The following CLSTN2 variants were observed in gnomAD, a reference collection of about 807,000 sequenced individuals.
CLSTN2 encodes calsyntenin 2.
In CLSTN2, 48 loss-of-function variants were observed where a neutral mutation model predicts 101.2. The ratio of observed to expected loss-of-function variants is 0.47; its 90% confidence interval spans 0.38 to 0.60. CLSTN2 has a LOEUF of 0.60. Ranked by LOEUF, CLSTN2 falls within the 20% of genes least tolerant of loss-of-function variation. CLSTN2 has a pLI of 0.00. For synonymous variants in CLSTN2, 481 were observed against 463.6 expected, an observed-to-expected ratio of 1.04 and a Z score of -0.48; for missense variants, 1,160 against 1,238.2, an observed-to-expected ratio of 0.94 and a Z score of 0.95.
intron 2 of CLSTN2, among the ~76,000 whole-genome samples, chr3:140,372,694 T>TGTGAAGCACTAGTCCCATGTAA (rs1234281365): frequency 1.3e-5 from 2 of 152,294 alleles, no homozygotes; most frequent in East Asian, 3.9e-4. Flanking sequence ...AAGCATACCC[T>TGTGAAGCACTAGTCCCATGTAA]GTGAAGCACT....
intron 9 of CLSTN2, among the ~76,000 whole-genome samples, chr3:140,544,070 A>C (rs1935538673): frequency 6.6e-6 from 1 of 152,212 alleles, no homozygotes. Context: ...CACAGGGCCC[A>C]CCACTCTGCT....
At chr3:140,401,462 G>A (rs755041907) in intron 2 of CLSTN2, among the ~76,000 whole-genome samples, 9 of 152,184 alleles carry the variant, frequency 5.9e-5, no homozygotes, top group Non-Finnish European at 1.2e-4. Flanking sequence ...ATGGAAATAT[G>A]TCACCTAAAC....
chr3:140,436,734 CT>C (rs1201317992), intron 5 of CLSTN2, among the ~76,000 whole-genome samples: 14 of 152,204 alleles, frequency 9.2e-5, no homozygotes, highest in African/African-American at 2.7e-4. Flanking sequence ...TGTCTGGGGC[CT>C]CTAAAAACTA....
intron 2 of CLSTN2, among the ~76,000 whole-genome samples, chr3:140,199,091 A>G (rs73226971): frequency 0.04 from 6,018 of 152,250 alleles, 172 homozygotes; most frequent in Non-Finnish European, 0.063. Flanking sequence ...TCCTCAAGAA[A>G]GTGTCAGGGC....
At chr3:140,133,886 C>A (rs777759735) in intron 1 of CLSTN2, among the ~76,000 whole-genome samples, 2 of 152,170 alleles carry the variant, frequency 1.3e-5, no homozygotes, top group East Asian at 1.9e-4. Flanking sequence ...AATTCTACTG[C>A]AGAATCAGGC....
At chr3:140,173,995 T>A (rs755094012) in intron 1 of CLSTN2, among the ~76,000 whole-genome samples, 16 of 152,382 alleles carry the variant, frequency 1.0e-4, no homozygotes, top group South Asian at 1.0e-3. Flanking sequence ...TCGTTACTTA[T>A]GAAAATTTCT....
intron 7 of CLSTN2, among the ~76,000 whole-genome samples, chr3:140,463,110 C>A (rs2063929506): frequency 6.6e-6 from 1 of 152,202 alleles, no homozygotes; most frequent in African/African-American, 2.4e-5. Context: ...TTTACCTCTC[C>A]ATTCCTCCCA....
intron 9 of CLSTN2, among the ~76,000 whole-genome samples, chr3:140,536,713 G>A (rs556742442): frequency 1.3e-5 from 2 of 152,308 alleles, no homozygotes; most frequent in East Asian, 3.9e-4. Context: ...AAATTCTTAA[G>A]ATCTTTAAAA....
intron 8 of CLSTN2, among the ~76,000 whole-genome samples, chr3:140,481,469 T>C (rs1934114023): frequency 6.6e-6 from 1 of 152,234 alleles, no homozygotes; most frequent in Non-Finnish European, 1.5e-5. Context: ...AGTAGTTTTT[T>C]TCCAATTCTG....
intron 1 of CLSTN2, among the ~76,000 whole-genome samples, chr3:140,121,403 G>A (rs1265649439): frequency 1.3e-5 from 2 of 152,166 alleles, no homozygotes; most frequent in Non-Finnish European, 2.9e-5. Flanking sequence ...TTGCTGGCTG[G>A]ATAGGTGAGC....
At chr3:140,311,935 A>C (rs16850133) in intron 2 of CLSTN2, among the ~76,000 whole-genome samples, 4,551 of 152,314 alleles carry the variant, frequency 0.03, 147 homozygotes, top group South Asian at 0.1. Context: ...AGATTGTTCC[A>C]GTTACTTCTC....
intron 1 of CLSTN2, among the ~76,000 whole-genome samples, chr3:140,029,732 C>T (rs182867900): frequency 3.6e-4 from 54 of 152,086 alleles, no homozygotes; most frequent in Middle Eastern, 3.4e-3. Flanking sequence ...AAATTTTTCC[C>T]AATATTTTAA....
At chr3:140,091,659 G>A (rs2107785833) in intron 1 of CLSTN2, among the ~76,000 whole-genome samples, 1 of 152,274 alleles carries the variant, frequency 6.6e-6, no homozygotes, top group South Asian at 2.1e-4. Flanking sequence ...AGAAGGCGTG[G>A]GCCATCCACA....
At chr3:140,374,299 C>CT (rs1387442231) in intron 2 of CLSTN2, among the ~76,000 whole-genome samples, 1 of 152,142 alleles carries the variant, frequency 6.6e-6, no homozygotes, top group Non-Finnish European at 1.5e-5. Flanking sequence ...TCTCCTCCTC[C>CT]TTTTTTTCTT....
chr3:140,058,279 TGGGTGAAATTCTCAA>T, intron 1 of CLSTN2, among the ~76,000 whole-genome samples: 1 of 152,218 alleles, frequency 6.6e-6, no homozygotes, highest in South Asian at 2.1e-4. Context: ...TGGGTAGCTG[TGGGTGAAATTCTCAA>T]GGGAAAGCCC....
intron 1 of CLSTN2, among the ~76,000 whole-genome samples, chr3:139,980,894 C>T (rs1033335511): frequency 1.3e-5 from 2 of 152,090 alleles, no homozygotes; most frequent in Non-Finnish European, 2.9e-5. Flanking sequence ...TATGTGACCA[C>T]AAAAGTGGTC....
chr3:140,403,693 G>T lies in CLSTN2; in HGVS notation c.297G>T (p.Lys99Asn). 6.2e-7 allele frequency: 1 copy of T among 1,614,188 alleles called. No individual in the cohort carries two copies. The highest frequency in any genetic ancestry group is 1.3e-5 in the African/African-American group (1 of 75,066). ...ELPFEAVVLN[K>N]TSGEGRLRAK... ...CCTTTGAGGCTGTGGTGCTCAACAA[G>T]ACATCAGGAGAGGGCCGGCTCCGTG... Residue 99 changes from lysine to asparagine, a missense_variant, in exon 3 of 17, where the codon AAG becomes AAT. Transcript: ENST00000458420.
intron 1 of CLSTN2, among the ~76,000 whole-genome samples, chr3:139,946,846 C>A (rs1243889576): frequency 6.6e-6 from 1 of 152,214 alleles, no homozygotes; most frequent in Admixed American, 6.5e-5. Flanking sequence ...ATTGCTCAGG[C>A]TTCCTGGAGA....
intron 1 of CLSTN2, among the ~76,000 whole-genome samples, chr3:140,110,594 T>A (rs535773226): frequency 6.6e-6 from 1 of 152,360 alleles, no homozygotes; most frequent in African/African-American, 2.4e-5. Flanking sequence ...TCTAAAGTAA[T>A]TCCCTTGGAG....
Sources: gnomAD v4.1 joint callset for allele counts (sites outside exome capture counted in the v4.1 genomes callset) on GRCh38, gnomAD v4.1.1 for gene constraint, MANE v1.5 for transcripts, NCBI Gene and HGNC (gene_info 2026-07-23, HGNC 2026-07-21) for gene names.